DNAJC6: variants seen among roughly 807,000 people sequenced by gnomAD.
DNAJC6 encodes the protein DnaJ heat shock protein family (Hsp40) member C6, also known as auxilin.
DNAJC6 carries 34 observed loss-of-function variants against 110.0 expected under a neutral mutation model. That is an observed-to-expected ratio of 0.31 (90% confidence interval 0.24 to 0.41). The LOEUF (loss-of-function observed/expected upper bound fraction) is 0.41. Ranked by LOEUF, DNAJC6 falls within the 10% of genes least tolerant of loss-of-function variation. The pLI is 1.00. For missense variants in DNAJC6, 1,031 were observed against 1,207.8 expected (o/e 0.85, Z 2.17); for synonymous variants, 406 against 437.2 (o/e 0.93, Z 0.89).
intron 16 of DNAJC6, among the ~76,000 whole-genome samples, chr1:65,407,290 C>A (rs903344711): frequency 6.6e-6 from 1 of 152,120 alleles, no homozygotes; most frequent in Admixed American, 6.5e-5. Flanking sequence ...GGGTCTGGTA[C>A]TATCTGCAGT....
chr1:65,319,717 C>G (rs775530666), intron 1 of DNAJC6, among the ~76,000 whole-genome samples: 1 of 152,198 alleles, frequency 6.6e-6, no homozygotes. Flanking sequence ...CATTTGGCCA[C>G]TTGAGCATTG....
chr1:65,394,581 T>C (rs1645959683), intron 12 of DNAJC6, among the ~76,000 whole-genome samples: 1 of 152,146 alleles, frequency 6.6e-6, no homozygotes, highest in African/African-American at 2.4e-5. Flanking sequence ...ATGTACTGAG[T>C]ATGGTAAGAA....
At chr1:65,384,657 T>C (rs750116714) in intron 6 of DNAJC6, among the ~76,000 whole-genome samples, 2 of 152,128 alleles carry the variant, frequency 1.3e-5, no homozygotes, top group Non-Finnish European at 2.9e-5. Flanking sequence ...ATGAGACTTA[T>C]TCACTATCAT....
At chr1:65,390,145 T>C (rs1025332472) in intron 11 of DNAJC6, among the ~76,000 whole-genome samples, 3 of 152,200 alleles carry the variant, frequency 2.0e-5, no homozygotes, top group Non-Finnish European at 2.9e-5. Flanking sequence ...TTAAACTGAA[T>C]TCTCCCTTCT....
chr1:65,386,899 G>A lies in DNAJC6; in HGVS notation c.1083G>A (p.Arg361=). 6.2e-7 allele frequency: 1 copy of A among 1,614,114 alleles called. No individual in the cohort carries two copies. The highest frequency in any genetic ancestry group is 8.5e-7 in the Non-Finnish European group (1 of 1,179,978). Residue 361 remains arginine (R), a synonymous_variant, in exon 8 of 19, where the codon AGG becomes AGA. Transcript: ENST00000371069. ...TGGTTGTTTCCATGTATCACTTGAG[G>A]TCAACCATTGGGAGCCGGCTACAGG... ...GDVVVSMYHL[R]STIGSRLQAK...
chr1:65,396,006 A>T (rs1645973503), intron 13 of DNAJC6, among the ~76,000 whole-genome samples: 2 of 152,214 alleles, frequency 1.3e-5, no homozygotes, highest in South Asian at 4.1e-4. Context: ...TTGCTTGGAG[A>T]ATGCAGTCCA....
chr1:65,293,868 T>A (rs531790409), intron 1 of DNAJC6, among the ~76,000 whole-genome samples: 4 of 152,214 alleles, frequency 2.6e-5, no homozygotes, highest in African/African-American at 9.7e-5. Flanking sequence ...ATCAAACTTA[T>A]GTTCTATTAG....
chr1:65,383,644 C>T (rs1021388783), intron 5 of DNAJC6, among the ~76,000 whole-genome samples: 1 of 152,180 alleles, frequency 6.6e-6, no homozygotes, highest in African/African-American at 2.4e-5. Context: ...CCCCAAAGCT[C>T]CACCTCCTAA....
At chr1:65,356,565 A>T (rs1645545396) in intron 1 of DNAJC6, among the ~76,000 whole-genome samples, 1 of 146,064 alleles carries the variant, frequency 6.8e-6, no homozygotes, top group Non-Finnish European at 1.5e-5. Flanking sequence ...CTCTGTCTCA[A>T]AAATAAATAA....
intron 1 of DNAJC6, among the ~76,000 whole-genome samples, chr1:65,269,848 G>A (rs1046637628): frequency 6.6e-6 from 1 of 152,196 alleles, no homozygotes; most frequent in Non-Finnish European, 1.5e-5. Context: ...TGATTGAGGG[G>A]CGCTGCCATT....
chr1:65,275,217 C>T (rs535267498), intron 1 of DNAJC6, among the ~76,000 whole-genome samples: 2 of 152,030 alleles, frequency 1.3e-5, no homozygotes, highest in African/African-American at 4.8e-5. Context: ...GGGATCTTTT[C>T]CTTTTGCATG....
chr1:65,324,512 C>G (rs939175819), intron 1 of DNAJC6, among the ~76,000 whole-genome samples: 1 of 152,084 alleles, frequency 6.6e-6, no homozygotes, highest in South Asian at 2.1e-4. Flanking sequence ...GCACCCACCA[C>G]CATGGTTGGC....
intron 1 of DNAJC6, among the ~76,000 whole-genome samples, chr1:65,343,274 A>C (rs889371571): frequency 6.6e-6 from 1 of 152,144 alleles, no homozygotes; most frequent in Non-Finnish European, 1.5e-5. Flanking sequence ...TTATGCATAT[A>C]ATTTTTTTGT....
chr1:65,317,661 A>G (rs1645160436), intron 1 of DNAJC6, among the ~76,000 whole-genome samples: 2 of 152,206 alleles, frequency 1.3e-5, no homozygotes, highest in African/African-American at 2.4e-5. Context: ...ATTGTGGTGT[A>G]GTACTCTACC....
intron 6 of DNAJC6, among the ~76,000 whole-genome samples, chr1:65,384,716 G>A (rs548545949): frequency 1.3e-4 from 20 of 152,170 alleles, no homozygotes; most frequent in Admixed American, 4.6e-4. Flanking sequence ...ACCTCCCACC[G>A]GATCCCTCCC....
chr1:65,282,082 T>C (rs1343482736), intron 1 of DNAJC6, among the ~76,000 whole-genome samples: 1 of 152,048 alleles, frequency 6.6e-6, no homozygotes, highest in East Asian at 1.9e-4. Flanking sequence ...CATGCCACCA[T>C]GCCTGGCTAA....
upstream of DNAJC6, among the ~76,000 whole-genome samples, chr1:65,305,875 G>T (rs1417703275): frequency 6.7e-6 from 1 of 148,782 alleles, no homozygotes; most frequent in Non-Finnish European, 1.5e-5. Flanking sequence ...GAAGTGGAAT[G>T]ATAGTAATAA....
In DNAJC6 at chr1:65,415,252, A is replaced by G. The variant is rs1242885091; in HGVS notation, c.*2227A>G. ...ATGTGATTGGTCTAAAATATTTGTA[A>G]TGTATATTAAAAGGTTCAAAAATAT... On this transcript the variant is annotated 3_prime_UTR_variant, in exon 19 of 19. Coordinates refer to ENST00000371069, the MANE Select transcript of DNAJC6 (RefSeq NM_001256864.2). 1 of 152,162 alleles carries G rather than the reference A, an allele frequency of 6.6e-6. No homozygotes were observed. The allele number at this position is 152,162 out of a possible 1,614,324, so 9.4% of individuals were successfully genotyped here.
In DNAJC6 at chr1:65,415,564, G is replaced by A. The variant is rs1413785262; in HGVS notation, c.*2539G>A. The A allele has an allele frequency of 6.6e-6, 1 of 151,720 alleles. No individual in the cohort carries two copies. The highest frequency in any genetic ancestry group is 1.9e-4 in the East Asian group (1 of 5,182). 9.4% of individuals were successfully genotyped at this position (151,720 alleles called of 1,614,324 possible). On this transcript the variant is annotated 3_prime_UTR_variant, in exon 19 of 19. Transcript: ENST00000371069. ...TTAGCATAGAAATCCTGGTCTCCTA[G>A]CCAAAAAAATCAAAGGATTTTCAAA...
Sources: allele counts gnomAD v4.1 joint callset (sites outside exome capture counted in the v4.1 genomes callset), GRCh38; gene constraint gnomAD v4.1.1; transcripts MANE v1.5; gene names NCBI Gene and HGNC (gene_info 2026-07-23, HGNC 2026-07-21).